NEBL: variants seen among roughly 807,000 people sequenced by gnomAD.
NEBL encodes nebulette.
NEBL carries 122 observed loss-of-function variants against 140.2 expected under a neutral mutation model. The observed-to-expected ratio is 0.87, with a 90% CI of 0.75 to 1.01. The LOEUF (loss-of-function observed/expected upper bound fraction) is 1.01, where lower values mean the gene tolerates loss of function less well. Among genes scored for constraint, NEBL ranks in the 50% least tolerant of loss-of-function variants. The pLI is 0.00. For synonymous variants in NEBL, 436 were observed against 398.9 expected (o/e 1.09, Z -1.11); for missense variants, 1,365 against 1,231.3 (o/e 1.11, Z -1.62).
chr10:21,158,255 C>G (rs557390290), intron 2 of NEBL, among the ~76,000 whole-genome samples: 6 of 152,260 alleles, frequency 3.9e-5, no homozygotes, highest in South Asian at 2.1e-4. Flanking sequence ...TGTCTCTTCC[C>G]CTTTCTAAAA....
At chr10:21,041,281 C>T in intron 2 of NEBL, among the ~76,000 whole-genome samples, 1 of 152,118 alleles carries the variant, frequency 6.6e-6, no homozygotes, top group Non-Finnish European at 1.5e-5. Flanking sequence ...TGGTTAGCTC[C>T]CACTTATGAA....
chr10:20,861,876 G>C (rs772890840), intron 7 of NEBL, among the ~76,000 whole-genome samples: 2 of 152,056 alleles, frequency 1.3e-5, no homozygotes, highest in Non-Finnish European at 2.9e-5. Context: ...TAAACCCACC[G>C]TAAGTTAAAA....
At chr10:21,064,696 A>C (rs774642777) in intron 2 of NEBL, among the ~76,000 whole-genome samples, 8 of 152,238 alleles carry the variant, frequency 5.3e-5, no homozygotes, top group Admixed American at 1.3e-4. Context: ...TGTTTTTACC[A>C]TATCAAAATG....
intron 1 of NEBL, among the ~76,000 whole-genome samples, chr10:21,267,999 G>A (rs547010264): frequency 3.3e-5 from 5 of 152,158 alleles, no homozygotes; most frequent in Admixed American, 6.5e-5. Context: ...TGGTACCTTC[G>A]GACTGTGTGC....
chr10:20,831,749 G>A (rs1034976086), intron 14 of NEBL, among the ~76,000 whole-genome samples, 166 bp from the exon 15 acceptor site: 1 of 151,768 alleles, frequency 6.6e-6, no homozygotes, highest in Non-Finnish European at 1.5e-5. Context: ...GTAGGAATAC[G>A]ACTTAGTATA....
intron 26 of NEBL, among the ~76,000 whole-genome samples, chr10:20,803,099 G>A (rs1837275418): frequency 6.6e-6 from 1 of 151,978 alleles, no homozygotes; most frequent in Admixed American, 6.6e-5. Context: ...ACCACAAGCA[G>A]GCAACCAAAT....
chr10:21,069,919 GC>G (rs1835738249), intron 2 of NEBL: 1 of 438,788 alleles, frequency 2.3e-6, no homozygotes, highest in Non-Finnish European at 4.5e-6. Context: ...CCCTGATAGC[GC>G]AAGTCATGTA....
At chr10:21,031,377 G>A (rs1375563205) in intron 2 of NEBL, among the ~76,000 whole-genome samples, 4 of 152,160 alleles carry the variant, frequency 2.6e-5, no homozygotes, top group African/African-American at 9.7e-5. Flanking sequence ...GGGAACAACA[G>A]GAACAAACAC....
At chr10:20,986,638 G>A (rs1837269029) in intron 3 of NEBL, among the ~76,000 whole-genome samples, 1 of 152,146 alleles carries the variant, frequency 6.6e-6, no homozygotes, top group South Asian at 2.1e-4. Context: ...ATGCACACAT[G>A]TACAATTTAT....
At chr10:20,803,708 T>G (rs1209210047) in intron 26 of NEBL, among the ~76,000 whole-genome samples, 1 of 151,402 alleles carries the variant, frequency 6.6e-6, no homozygotes, top group Non-Finnish European at 1.5e-5. Context: ...ATAGAGTCAA[T>G]CAGCACCTTC....
chr10:20,973,051 T>C (rs946863039), intron 3 of NEBL, among the ~76,000 whole-genome samples: 2 of 152,120 alleles, frequency 1.3e-5, no homozygotes, highest in African/African-American at 4.8e-5. Context: ...AATTATGGCT[T>C]CTTAGCTAAC....
intron 1 of NEBL, among the ~76,000 whole-genome samples, chr10:21,270,941 G>C (rs114707684): frequency 6.6e-6 from 1 of 152,168 alleles, no homozygotes; most frequent in African/African-American, 2.4e-5. Flanking sequence ...AATTGGTACA[G>C]CCATTATGGA....
chr10:20,986,713 A>G (rs1278205520), intron 3 of NEBL, among the ~76,000 whole-genome samples: 1 of 152,148 alleles, frequency 6.6e-6, no homozygotes, highest in Non-Finnish European at 1.5e-5. Context: ...TTTCATGTTT[A>G]AATAAATGAC....
intron 3 of NEBL, among the ~76,000 whole-genome samples, chr10:21,208,742 T>G (rs976662614): frequency 6.6e-6 from 1 of 152,150 alleles, no homozygotes; most frequent in African/African-American, 2.4e-5. Flanking sequence ...GGAAGTCACA[T>G]ACATTCCTTC....
At chr10:21,288,330 T>G (rs1385183197) in intron 1 of NEBL, among the ~76,000 whole-genome samples, 2 of 151,522 alleles carry the variant, frequency 1.3e-5, no homozygotes, top group Non-Finnish European at 2.9e-5. Flanking sequence ...TAGCCAGGCA[T>G]GGTGCCAGGC....
At chr10:21,194,140 A>G (rs1054945253) in intron 3 of NEBL, among the ~76,000 whole-genome samples, 2 of 151,682 alleles carry the variant, frequency 1.3e-5, no homozygotes, top group African/African-American at 2.4e-5. Context: ...ATGCCTGGCT[A>G]ATTTTTTTTT....
chr10:20,838,261 C>T (rs903279330), intron 13 of NEBL, among the ~76,000 whole-genome samples: 1 of 152,102 alleles, frequency 6.6e-6, no homozygotes, highest in Non-Finnish European at 1.5e-5. Flanking sequence ...AAAATATCAA[C>T]ATTAATAGAA....
At chr10:21,062,297 A>G (rs1835338639) in intron 2 of NEBL, among the ~76,000 whole-genome samples, 1 of 152,100 alleles carries the variant, frequency 6.6e-6, no homozygotes, top group Admixed American at 6.6e-5. Flanking sequence ...AAAGAAGAAA[A>G]AAACAATGAG....
At chr10:21,143,717 T>A (rs1447250914) in intron 2 of NEBL, among the ~76,000 whole-genome samples, 1 of 152,088 alleles carries the variant, frequency 6.6e-6, no homozygotes, top group Non-Finnish European at 1.5e-5. Context: ...GATCTTAGAT[T>A]CCCTACGTGT....
Sources: allele counts gnomAD v4.1 joint callset (sites outside exome capture counted in the v4.1 genomes callset), GRCh38; gene constraint gnomAD v4.1.1; transcripts MANE v1.5; gene names NCBI Gene and HGNC (gene_info 2026-07-23, HGNC 2026-07-21).